Variants in JAK3 observed in about 807,000 individuals in gnomAD.
The protein encoded by JAK3 is tyrosine-protein kinase JAK3.
Under a neutral mutation model 120.8 loss-of-function variants are expected in JAK3, and 88 were observed. The ratio of observed to expected loss-of-function variants is 0.73; its 90% CI spans 0.61 to 0.87. JAK3 has a LOEUF of 0.87. Ranked by LOEUF, JAK3 falls within the 40% of genes least tolerant of loss-of-function variation. The pLI is 0.00. For missense variants in JAK3, 1,254 were observed against 1,501.4 expected (o/e 0.84, Z 2.72); for synonymous variants, 592 against 628.6 (o/e 0.94, Z 0.87).
chr19:17,842,340 G>T lies in JAK3; in HGVS notation c.837C>A (p.Ile279=), dbSNP rs1396530798. 6.3e-7 allele frequency: 1 copy of T among 1,588,398 alleles called. No homozygotes were observed. Among genetic ancestry groups the T allele is most frequent in the Non-Finnish European group, 8.5e-7 (1 of 1,173,048 alleles). The change falls in exon 6 of 24, where the codon ATC becomes ATA. Residue 279 remains isoleucine, a synonymous_variant. Transcript: ENST00000458235. This position sits in a 1 kb window ranked among gnomAD's most constrained non-coding sequence, Gnocchi z 6.4. ...CCTCCTGTTCTCCCTGGGTCCAGGC[G>T]ATGCCGCCGTCACCAGCCACGCGGA... ...GLLRVAGDGG[I]AWTQGEQEVL...
chr19:17,845,050 A>C (rs1248715401), intron 1 of JAK3, among the ~76,000 whole-genome samples: 1 of 152,180 alleles, frequency 6.6e-6, no homozygotes, highest in Admixed American at 6.5e-5. Context: ...ATCTGAAGAA[A>C]GTGTTGGGAA....
At position 17,831,875 on chromosome 19, in the gene JAK3, C is replaced by G. The variant is rs924343815; in HGVS notation, c.2681-77G>C. 1 of 1,576,600 alleles carries G rather than the reference C, an allele frequency of 6.3e-7. No individual in the cohort carries two copies. The highest frequency in any genetic ancestry group is 1.3e-5 in the African/African-American group (1 of 74,272). ...ATTCTTCCCCCCTTTCACAGTGGGA[C>G]CTTGTGTCCCTCTCGACCTCAGTTT... is the stretch of plus-strand genomic sequence containing the variant. On this transcript the variant is annotated intron_variant, in intron 19 of 23. Coordinates refer to ENST00000458235, the MANE Select transcript of JAK3 (RefSeq NM_000215.4). This position sits in a 1 kb window ranked among gnomAD's most constrained non-coding sequence, Gnocchi z 5.1.
In JAK3 at chr19:17,837,184, G is replaced by A; in HGVS notation, c.1731C>T (p.Ser577=). The change falls in exon 13 of 24, where the codon AGC becomes AGT. Residue 577 remains serine, a synonymous_variant. Coordinates refer to ENST00000458235, the MANE Select transcript of JAK3 (RefSeq NM_000215.4). ...ESFLEAASLM[S]QVSYRHLVLL... is the part of the protein sequence containing the mutation. Reference sequence around the variant, plus strand: ...GCACGAGATGCCGGTACGACACTTGGCTCATCAAGCTCGCTGCTTCCAGGA... The same window carrying A: ...GCACGAGATGCCGGTACGACACTTGACTCATCAAGCTCGCTGCTTCCAGGA... The A allele has an allele frequency of 6.4e-7, 1 of 1,572,716 alleles. No homozygotes were observed. The highest frequency in any genetic ancestry group is 8.6e-7 in the Non-Finnish European group (1 of 1,158,728).
At chr19:17,830,056 C>T (rs1180585187) in intron 23 of JAK3, 52 bp downstream of exon 23, 2 of 1,383,010 alleles carry the variant, frequency 1.4e-6, no homozygotes, top group Non-Finnish European at 2.0e-6. Context: ...TTGCCCGAGA[C>T]CCCGGCCCAA....
intron 14 of JAK3, 78 bp from the exon 15 acceptor site, chr19:17,835,293 C>T: frequency 6.5e-7 from 1 of 1,536,624 alleles, no homozygotes; most frequent in Non-Finnish European, 8.8e-7. Context: ...CCTATACATC[C>T]TTCAAAACCC....
intron 9 of JAK3, among the ~76,000 whole-genome samples, chr19:17,839,986 A>G (rs576709801): frequency 6.6e-6 from 1 of 151,970 alleles, no homozygotes; most frequent in Non-Finnish European, 1.5e-5. Flanking sequence ...TGATCTGCCT[A>G]CCTCAGCCTC....
intron 23 of JAK3, among the ~76,000 whole-genome samples, chr19:17,828,561 G>A (rs1020766325): frequency 1.3e-5 from 2 of 149,920 alleles, no homozygotes; most frequent in Non-Finnish European, 3.0e-5. Context: ...GCTATTGCTT[G>A]TATTGTTTGT....
chr19:17,827,274 C>G (rs1366684326), intron 23 of JAK3, among the ~76,000 whole-genome samples: 3 of 152,144 alleles, frequency 2.0e-5, no homozygotes, highest in African/African-American at 7.2e-5. Flanking sequence ...CCACCGCACT[C>G]ATTCAGTTTT....
intron 23 of JAK3, 83 bp from the exon 24 acceptor site, chr19:17,826,993 T>G: frequency 6.7e-7 from 1 of 1,483,874 alleles, no homozygotes; most frequent in Admixed American, 1.9e-5. Context: ...TGTTTTTGTT[T>G]TTTTGAGACG....
intron 10 of JAK3, among the ~76,000 whole-genome samples, chr19:17,838,827 T>G (rs2094230802): frequency 6.6e-6 from 1 of 151,348 alleles, no homozygotes; most frequent in African/African-American, 2.4e-5. Context: ...GTAATTCTCC[T>G]GCCTCAGCCT....
intron 12 of JAK3, among the ~76,000 whole-genome samples, 199 bp from the exon 13 acceptor site, chr19:17,837,412 T>C (rs2094226912): frequency 6.6e-6 from 1 of 152,060 alleles, no homozygotes; most frequent in African/African-American, 2.4e-5. Context: ...TATGGTTTTT[T>C]GTTTTGTTTT....
At position 17,831,086 on chromosome 19, in the gene JAK3, G is replaced by T; in HGVS notation, c.2978+142C>A. Reference sequence around the variant, plus strand: ...GCTGTTGAGGGGGCGGGGCTCTGGGGAGTGGGAGGGGCCAAAGCTGCAGCG... The same window carrying T: ...GCTGTTGAGGGGGCGGGGCTCTGGGTAGTGGGAGGGGCCAAAGCTGCAGCG... On this transcript the variant is annotated intron_variant, in intron 21 of 23. Coordinates refer to ENST00000458235, the MANE Select transcript of JAK3 (RefSeq NM_000215.4). This position sits in a 1 kb window ranked among gnomAD's most constrained non-coding sequence, Gnocchi z 5.1. The T allele has an allele frequency of 1.3e-6, 1 of 782,234 alleles. No individual in the cohort carries two copies. The highest frequency in any genetic ancestry group is 2.0e-6 in the Non-Finnish European group (1 of 489,892). 48.5% of individuals were successfully genotyped at this position (782,234 alleles called of 1,614,324 possible). A position where few individuals can be genotyped will look rare whatever the true frequency, so the allele number is the denominator to read the frequency against.
Position 17,836,782 on chromosome 19 carries a change from G to A in JAK3, c.1786+347C>T. On this transcript the variant is annotated intron_variant, in intron 13 of 23. Transcript: ENST00000458235. ...CCCTCCTCACACCTCATCACACCCT[G>A]CCTGTCACATTCTAGGCTCTGTCCC... The A allele has an allele frequency of 8.7e-6, 4 of 458,660 alleles. 1 individual carries two copies. The highest frequency in any genetic ancestry group is 6.1e-5 in the South Asian group (3 of 49,562). 28.4% of individuals were successfully genotyped at this position (458,660 alleles called of 1,614,324 possible).
In JAK3 at chr19:17,831,381, G is replaced by C; in HGVS notation, c.2825C>G (p.Ser942Cys). The change falls in exon 21 of 24, where the codon TCC becomes TGC. Residue 942 changes from serine (S) to cysteine (C), a missense_variant. Physicochemically the swap from Ser to Cys is moderately radical, Grantham distance 112. Around this residue, in one of 3 missense-constraint regions of JAK3, gnomAD observed 630 missense variants for 819.8 expected, o/e 0.77. Coordinates refer to ENST00000458235, the MANE Select transcript of JAK3 (RefSeq NM_000215.4). This position sits in a 1 kb window ranked among gnomAD's most constrained non-coding sequence, Gnocchi z 5.1. ...CAGGTCGCGGTGCACGCAGCGGCGG[G>C]AGCCCAGGTACTCCATGCCCTGCGG... ...QICKGMEYLG[S>C]RRCVHRDLAA... The C allele has an allele frequency of 4.4e-6, 7 of 1,605,644 alleles. No homozygotes were observed. The highest frequency in any genetic ancestry group is 5.9e-6 in the Non-Finnish European group (7 of 1,179,778).
rs745535201 is a variant in JAK3 at position 17,831,282 on chromosome 19, G to C, written c.2924C>G (p.Pro975Arg). ...IADFGLAKLLPLDKDYYVVRE... is the reference protein window; with the variant it reads ...IADFGLAKLLRLDKDYYVVRE... ...GACCACGTAGTAGTCTTTGTCAAGC[G>C]GCAGCAGCTTAGCTAGGCCGAAGTC... Residue 975 changes from proline to arginine, a missense_variant, in exon 21 of 24, where the codon CCG (proline) becomes CGG (arginine). This residue lies in a region of JAK3 where 630 missense variants were observed against 819.8 expected (regional missense o/e 0.77). Coordinates refer to ENST00000458235, the MANE Select transcript of JAK3 (RefSeq NM_000215.4). The surrounding 1 kb of genome is among the most constrained non-coding windows in gnomAD (Gnocchi z 5.1). The C allele has an allele frequency of 6.2e-7, 1 of 1,612,766 alleles. No homozygotes were observed. Among genetic ancestry groups the C allele is most frequent in the Non-Finnish European group, 8.5e-7 (1 of 1,179,824 alleles).
rs202206608 is a variant in JAK3 at position 17,841,660 on chromosome 19, T to C, written c.964A>G (p.Arg322Gly). 1 of 1,613,870 alleles carries C rather than the reference T, an allele frequency of 6.2e-7. No individual in the cohort carries two copies. The highest frequency in any genetic ancestry group is 8.5e-7 in the Non-Finnish European group (1 of 1,179,974). The part of the protein sequence containing the change: ...AGEHRLVTVT[R>G]TDNQILEAEF... ...CCCACTAAAATCTGGTTGTCTGTCC[T>C]GGTAACAGTGACCAGGCGGTGCTCT... is the stretch of plus-strand genomic sequence containing the variant. Residue 322 changes from arginine (R) to glycine (G), a missense_variant, in exon 7 of 24, where the codon AGG (arginine) becomes GGG (glycine). Physicochemically the swap from Arg to Gly is moderately radical, Grantham distance 125 (BLOSUM62 -2). Coordinates refer to ENST00000458235, the MANE Select transcript of JAK3 (RefSeq NM_000215.4). This position sits in a 1 kb window ranked among gnomAD's most constrained non-coding sequence, Gnocchi z 4.1.
Position 17,843,184 on chromosome 19 carries a change from CCACAGGG to C in JAK3, c.421-19_421-13del. ...AGGTCACTGCGGTGCTGGGGGGCCG[CCACAGGG>C]AGCATCAGCTGAGGCCACCCAACTT... On this transcript the variant is annotated splice_polypyrimidine_tract_variant and intron_variant, in intron 4 of 23. Coordinates refer to ENST00000458235, the MANE Select transcript of JAK3 (RefSeq NM_000215.4). The surrounding 1 kb of genome is among the most constrained non-coding windows in gnomAD (Gnocchi z 5.4). 6.2e-7 allele frequency: 1 copy of C among 1,600,368 alleles called. No individual in the cohort carries two copies. Among genetic ancestry groups the C allele is most frequent in the South Asian group, 1.1e-5 (1 of 89,974 alleles).
chr19:17,834,478 C>T, intron 17 of JAK3, 93 bp downstream of exon 17: 2 of 1,445,020 alleles, frequency 1.4e-6, no homozygotes, highest in Non-Finnish European at 1.9e-6. Context: ...CCTCACCAGA[C>T]ACACAGGGCG....
rs2147691045 is a variant in JAK3 at position 17,839,515 on chromosome 19, G to A, written c.1403C>T (p.Ala468Val). ...WDGGLHVDGVAVTLTSCCIPR... is the reference protein window; with the variant it reads ...WDGGLHVDGVVVTLTSCCIPR... ...GATACAGCAGGAAGTGAGGGTCACT[G>A]CCACCCCATCTACGTGCAGCCCCCC... Residue 468 changes from alanine to valine, a missense_variant, in exon 10 of 24, where the codon GCA becomes GTA. Physicochemically the swap from Ala to Val is moderately conservative, Grantham distance 64. This residue lies in a region of JAK3 where 486 missense variants were observed against 503.0 expected (regional missense o/e 0.97). Transcript: ENST00000458235. 1 of 1,598,378 alleles carries A rather than the reference G, an allele frequency of 6.3e-7. No homozygotes were observed. The highest frequency in any genetic ancestry group is 8.5e-7 in the Non-Finnish European group (1 of 1,172,382).
Sources: allele counts gnomAD v4.1 joint callset (sites outside exome capture counted in the v4.1 genomes callset), GRCh38; gene constraint gnomAD v4.1.1; regional missense constraint gnomAD v4.1.1; non-coding constraint Gnocchi (gnomAD v3.1); transcripts MANE v1.5; gene names NCBI Gene and HGNC (gene_info 2026-07-23, HGNC 2026-07-21).